LGR4: variants seen among roughly 807,000 people sequenced by gnomAD.
LGR4 encodes leucine rich repeat containing G protein-coupled receptor 4.
In LGR4, 44 loss-of-function variants were observed where a neutral mutation model predicts 84.8. That is an observed-to-expected ratio of 0.52 (90% CI 0.41 to 0.67). LGR4 has a LOEUF of 0.67. Ranked by LOEUF, LGR4 falls within the 30% of genes least tolerant of loss-of-function variation. The pLI, the probability that LGR4 is intolerant of heterozygous loss-of-function variation, is 0.00. For synonymous variants in LGR4, 429 were observed against 434.3 expected (o/e 0.99, Z 0.15); for missense variants, 1,032 against 1,131.4 (o/e 0.91, Z 1.26).
Position 27,372,450 on chromosome 11 carries a change from GT to G in LGR4, c.1380-53del. ...ACTGAACAGCAACTCCGCAGTTATG[GT>G]TTTGTTTTGTAAAAGTATTTTAAAC... On this transcript the variant is annotated intron_variant, in intron 15 of 17. Coordinates refer to ENST00000379214, the MANE Select transcript of LGR4 (RefSeq NM_018490.5). 3 of 1,026,898 alleles carry G rather than the reference GT, an allele frequency of 2.9e-6. No homozygotes were observed. The East Asian group carries it at 7.1e-5, about 24-fold the overall frequency. The allele number at this position is 1,026,898 out of a possible 1,614,324, so 63.6% of individuals were successfully genotyped here.
At chr11:27,426,796 A>T (rs1864031197) in intron 1 of LGR4, among the ~76,000 whole-genome samples, 1 of 152,240 alleles carries the variant, frequency 6.6e-6, no homozygotes, top group Admixed American at 6.5e-5. Flanking sequence ...TAAAGTATCA[A>T]GATCAGACTC....
chr11:27,458,832 C>G (rs1268179524), intron 1 of LGR4, among the ~76,000 whole-genome samples: 1 of 152,118 alleles, frequency 6.6e-6, no homozygotes, highest in Non-Finnish European at 1.5e-5. Context: ...AGTTACCATG[C>G]CGGGCCTTGA....
intron 1 of LGR4, among the ~76,000 whole-genome samples, chr11:27,454,964 T>A (rs1456296943): frequency 6.6e-6 from 1 of 152,144 alleles, no homozygotes; most frequent in Non-Finnish European, 1.5e-5. Flanking sequence ...TAATATTAAA[T>A]TAAATGTTAA....
At chr11:27,447,052 G>A (rs549303114) in intron 1 of LGR4, among the ~76,000 whole-genome samples, 3 of 149,374 alleles carry the variant, frequency 2.0e-5, no homozygotes, top group South Asian at 4.5e-4. Flanking sequence ...AGGGGAGGGG[G>A]GAGGGATAGC....
intron 2 of LGR4, among the ~76,000 whole-genome samples, chr11:27,411,268 A>C (rs1044036616): frequency 6.6e-6 from 1 of 152,100 alleles, no homozygotes; most frequent in Non-Finnish European, 1.5e-5. Flanking sequence ...AAAGCATCTT[A>C]AGGCTTCATA....
intron 17 of LGR4, 68 bp from the exon 18 acceptor site, chr11:27,369,211 G>A (rs943781624): frequency 1.6e-6 from 2 of 1,242,414 alleles, no homozygotes; most frequent in Non-Finnish European, 2.2e-6. Context: ...AAAATGATAT[G>A]GCTTGATAGA....
At chr11:27,431,466 C>T (rs1048071795) in intron 1 of LGR4, among the ~76,000 whole-genome samples, 2 of 152,212 alleles carry the variant, frequency 1.3e-5, no homozygotes, top group African/African-American at 4.8e-5. Context: ...AGCCCAACAC[C>T]TAACATACTA....
chr11:27,411,671 C>T (rs905742278), intron 2 of LGR4, among the ~76,000 whole-genome samples: 2 of 152,070 alleles, frequency 1.3e-5, no homozygotes, highest in African/African-American at 4.8e-5. Flanking sequence ...TGACCTAGCT[C>T]ATAAACTTGT....
intron 1 of LGR4, among the ~76,000 whole-genome samples, chr11:27,425,754 G>A (rs1453991103): frequency 6.6e-6 from 1 of 152,148 alleles, no homozygotes; most frequent in East Asian, 1.9e-4. Flanking sequence ...ATGGGAAGAG[G>A]TGGAATTTTT....
At chr11:27,371,037 A>G (rs1862874068) in intron 17 of LGR4, among the ~76,000 whole-genome samples, 1 of 152,204 alleles carries the variant, frequency 6.6e-6, no homozygotes, top group Non-Finnish European at 1.5e-5. Context: ...TGAGTCATAA[A>G]ATTAATGTCC....
intron 1 of LGR4, among the ~76,000 whole-genome samples, chr11:27,448,546 C>T (rs1056650355): frequency 6.6e-6 from 1 of 152,138 alleles, no homozygotes; most frequent in Non-Finnish European, 1.5e-5. Flanking sequence ...CTCGCCTCAG[C>T]CTCCCAAAGT....
intron 4 of LGR4, 128 bp downstream of exon 4, chr11:27,390,966 G>C: frequency 3.4e-6 from 2 of 587,032 alleles, no homozygotes; most frequent in Non-Finnish European, 5.9e-6. Flanking sequence ...TGATAACATT[G>C]ACTAGCTATC....
At chr11:27,430,383 C>T (rs1328057937) in intron 1 of LGR4, among the ~76,000 whole-genome samples, 1 of 152,124 alleles carries the variant, frequency 6.6e-6, no homozygotes, top group African/African-American at 2.4e-5. Flanking sequence ...TTGCCCTGGA[C>T]AGCCAAGCTT....
chr11:27,434,321 T>G (rs150293057), intron 1 of LGR4, among the ~76,000 whole-genome samples: 150 of 152,348 alleles, frequency 9.8e-4, no homozygotes, highest in African/African-American at 3.4e-3. Context: ...TTGCTCTAGA[T>G]GCATGAATTA....
chr11:27,445,098 T>C (rs1864366865), intron 1 of LGR4, among the ~76,000 whole-genome samples: 1 of 152,202 alleles, frequency 6.6e-6, no homozygotes, highest in South Asian at 2.1e-4. Flanking sequence ...AAATGTCACC[T>C]CTGCTGTGAA....
At position 27,437,244 on chromosome 11, in the gene LGR4, A is replaced by C. The variant is rs867616655; in HGVS notation, c.186-24384T>G. On this transcript the variant is annotated intron_variant, in intron 1 of 17. Transcript: ENST00000379214. ...GTTTATATTTTAAAACTTATTTTGC[A>C]TCTTAGTAATTTCTTCCCTAAAAAT... Among the ~76,000 whole-genome samples the C allele has an allele frequency of 6.6e-5, 10 of 152,288 alleles. No individual in the cohort carries two copies. In the East Asian group the frequency reaches 9.7e-4, roughly 15 times the overall value.
At chr11:27,442,694 T>A (rs924279747) in intron 1 of LGR4, among the ~76,000 whole-genome samples, 17 of 151,820 alleles carry the variant, frequency 1.1e-4, no homozygotes, top group African/African-American at 3.9e-4. Flanking sequence ...AAAGAAAGAG[T>A]CAATATTCCA....
rs774968337 is a variant in LGR4, at chr11:27,380,275, T to A, written c.967A>T (p.Ser323Cys). Residue 323 changes from serine (S) to cysteine (C), a missense_variant, in exon 10 of 18, where the codon AGT (serine) becomes TGT (cysteine). By Grantham distance (112) the Ser-to-Cys change is moderately radical. Transcript: ENST00000379214. ...TCTTCAAAGGGCCTTACTTACAGAC[T>A]TTCCAGGTGGACAGTTCCTGTAAGA... ...PNLTGTVHLE[S>C]LTLTGTKISS... 1.2e-6 allele frequency: 2 copies of A among 1,606,374 alleles called. No homozygotes were observed. Among genetic ancestry groups the A allele is most frequent in the Non-Finnish European group, 1.7e-6 (2 of 1,174,342 alleles).
intron 1 of LGR4, among the ~76,000 whole-genome samples, chr11:27,419,179 G>T (rs958493121): frequency 1.3e-5 from 2 of 151,980 alleles, no homozygotes; most frequent in Non-Finnish European, 2.9e-5. Flanking sequence ...AACATATAAA[G>T]AATTTATATT....
Sources: allele counts gnomAD v4.1 joint callset (sites outside exome capture counted in the v4.1 genomes callset), GRCh38; gene constraint gnomAD v4.1.1; transcripts MANE v1.5; gene names NCBI Gene and HGNC (gene_info 2026-07-23, HGNC 2026-07-21).